The following HPSE2 variants were observed in gnomAD, a reference collection of about 807,000 sequenced individuals.
HPSE2 encodes heparanase 2 (inactive).
In HPSE2, 38 loss-of-function variants were observed where a neutral mutation model predicts 60.5. The ratio of observed to expected loss-of-function variants is 0.63; its 90% CI spans 0.48 to 0.82. The LOEUF (loss-of-function observed/expected upper bound fraction) is 0.82, where lower values mean the gene tolerates loss of function less well. Among genes scored for constraint, HPSE2 ranks in the 40% least tolerant of loss-of-function variants. The probability of loss-of-function intolerance (pLI) is 0.00; values close to 1 mark genes in which losing one functional copy is unlikely to be tolerated. For missense variants in HPSE2, 713 were observed against 740.4 expected (o/e 0.96, Z 0.43); for synonymous variants, 295 against 293.2 (o/e 1.01, Z -0.06).
intron 3 of HPSE2, among the ~76,000 whole-genome samples, chr10:98,960,810 A>C (rs1187917136): frequency 1.4e-5 from 2 of 141,366 alleles, no homozygotes; most frequent in Non-Finnish European, 3.0e-5. Context: ...ACATATGTAT[A>C]CATGTGCCAT....
chr10:98,761,964 C>T (rs1950014068), intron 3 of HPSE2, among the ~76,000 whole-genome samples: 1 of 151,864 alleles, frequency 6.6e-6, no homozygotes, highest in South Asian at 2.1e-4. Context: ...TGAGAATACT[C>T]ATTTACCTTC....
the HPSE2 span, among the ~76,000 whole-genome samples, chr10:99,273,537 A>G: frequency 6.6e-6 from 1 of 152,348 alleles, no homozygotes; most frequent in African/African-American, 2.4e-5. Context: ...GGAAAATGTT[A>G]TCTGAGAAAA....
At chr10:99,164,399 T>C (rs1846983031) in intron 2 of HPSE2, among the ~76,000 whole-genome samples, 1 of 151,108 alleles carries the variant, frequency 6.6e-6, no homozygotes, top group South Asian at 2.1e-4. Flanking sequence ...TGACATATCC[T>C]CAATCTATTT....
At chr10:98,548,241 T>G (rs534325344) in intron 9 of HPSE2, among the ~76,000 whole-genome samples, 1 of 152,302 alleles carries the variant, frequency 6.6e-6, no homozygotes, top group African/African-American at 2.4e-5. Flanking sequence ...GATGACTTAG[T>G]GAATGGTGCT....
At chr10:99,031,541 A>T (rs545142779) in intron 3 of HPSE2, among the ~76,000 whole-genome samples, 48 of 152,320 alleles carry the variant, frequency 3.2e-4, no homozygotes, top group African/African-American at 1.1e-3. Context: ...ATTCAGAGGG[A>T]ATAAGAAAAC....
intron 6 of HPSE2, among the ~76,000 whole-genome samples, chr10:98,668,099 C>T (rs1024230256): frequency 3.9e-5 from 6 of 152,036 alleles, no homozygotes; most frequent in Middle Eastern, 3.2e-3. Flanking sequence ...ATACAGAAAT[C>T]GGTGGCATTT....
At chr10:98,797,166 G>C (rs1382524268) in intron 3 of HPSE2, among the ~76,000 whole-genome samples, 1 of 152,116 alleles carries the variant, frequency 6.6e-6, no homozygotes, top group Non-Finnish European at 1.5e-5. Context: ...GATCAATCCT[G>C]GAGAAACAGA....
upstream of HPSE2, chr10:99,235,988 TTTG>T (rs1370938304): frequency 1.2e-5 from 6 of 499,108 alleles, no homozygotes; most frequent in Non-Finnish European, 2.1e-5. Flanking sequence ...GCTCGCTCGT[TTTG>T]TTTTTTTCTT....
At chr10:99,158,863 AAAAG>A in intron 2 of HPSE2, among the ~76,000 whole-genome samples, 1 of 152,308 alleles carries the variant, frequency 6.6e-6, no homozygotes, top group African/African-American at 2.4e-5. Context: ...GGCAGTTAAC[AAAAG>A]AAATATAGAA....
At position 98,827,093 on chromosome 10, in the gene HPSE2, A is replaced by G. The variant is rs901150213; in HGVS notation, c.611-83037T>C. ...TTGAGACCAGGAGTTAGAGGCTGCA[A>G]TGAGCTAGGATTGTGTCACTGCACT... is the stretch of plus-strand genomic sequence containing the variant. On this transcript the variant is annotated intron_variant, in intron 3 of 11. Coordinates refer to ENST00000370552, the MANE Select transcript of HPSE2 (RefSeq NM_021828.5). Among the ~76,000 whole-genome samples, 8 of 152,196 alleles carry G rather than the reference A, an allele frequency of 5.3e-5. No individual in the cohort carries two copies. In the East Asian group the frequency reaches 1.4e-3, roughly 26 times the overall value.
intron 5 of HPSE2, among the ~76,000 whole-genome samples, chr10:98,710,945 G>T (rs904694212): frequency 2.0e-5 from 3 of 152,110 alleles, no homozygotes; most frequent in African/African-American, 7.2e-5. Context: ...CCTATTTGCT[G>T]CCAGTGAAGG....
At chr10:98,943,791 G>A (rs549920834) in intron 3 of HPSE2, among the ~76,000 whole-genome samples, 1 of 152,100 alleles carries the variant, frequency 6.6e-6, no homozygotes, top group East Asian at 1.9e-4. Context: ...CCATGGGAAT[G>A]ATTTTCTAAA....
chr10:99,314,968 T>C, the HPSE2 span, among the ~76,000 whole-genome samples: 1 of 152,230 alleles, frequency 6.6e-6, no homozygotes, highest in Non-Finnish European at 1.5e-5. Flanking sequence ...CTGAAAAAGA[T>C]TTGTTGCTCC....
chr10:98,495,544 C>T (rs1329395494), intron 9 of HPSE2, among the ~76,000 whole-genome samples: 4 of 152,042 alleles, frequency 2.6e-5, no homozygotes, highest in Non-Finnish European at 4.4e-5. Flanking sequence ...CCCCCAGGTC[C>T]CTTTGGCCCT....
At chr10:99,181,164 C>T (rs1371649740) in intron 2 of HPSE2, among the ~76,000 whole-genome samples, 2 of 151,116 alleles carry the variant, frequency 1.3e-5, no homozygotes, top group East Asian at 2.0e-4. Context: ...TTTGGGAGGC[C>T]GAGGCGGGCG....
chr10:98,484,174 G>T (rs1405076153), intron 10 of HPSE2, among the ~76,000 whole-genome samples: 1 of 151,658 alleles, frequency 6.6e-6, no homozygotes, highest in East Asian at 1.9e-4. Flanking sequence ...TTGCCTGCCT[G>T]CCTTCCTTTC....
intron 6 of HPSE2, among the ~76,000 whole-genome samples, chr10:98,656,322 T>C (rs1026941339): frequency 6.6e-6 from 1 of 152,182 alleles, no homozygotes; most frequent in African/African-American, 2.4e-5. Context: ...CCTGACCTCG[T>C]GATCCACTTG....
At chr10:98,474,993 C>T (rs1378881289) in intron 11 of HPSE2, among the ~76,000 whole-genome samples, 1 of 152,092 alleles carries the variant, frequency 6.6e-6, no homozygotes, top group Non-Finnish European at 1.5e-5. Context: ...GAGGATATGG[C>T]CTAGCAATAG....
chr10:98,714,721 T>C (rs1393558574), intron 5 of HPSE2, among the ~76,000 whole-genome samples: 1 of 151,956 alleles, frequency 6.6e-6, no homozygotes, highest in Non-Finnish European at 1.5e-5. Flanking sequence ...CTTAGCCTTA[T>C]GTTAATTACA....
Sources: allele counts gnomAD v4.1 joint callset (sites outside exome capture counted in the v4.1 genomes callset), GRCh38; gene constraint gnomAD v4.1.1; transcripts MANE v1.5; gene names NCBI Gene and HGNC (gene_info 2026-07-23, HGNC 2026-07-21).